PTPRR: variants seen among roughly 807,000 people sequenced by gnomAD.
PTPRR encodes receptor-type tyrosine-protein phosphatase R.
A neutral mutation model predicts 77.2 loss-of-function variants in PTPRR; 38 were observed. The ratio of observed to expected loss-of-function variants is 0.49; its 90% CI spans 0.38 to 0.65. The LOEUF is 0.65. Ranked by LOEUF, PTPRR falls within the 30% of genes least tolerant of loss-of-function variation. The pLI, the probability that PTPRR is intolerant of heterozygous loss-of-function variation, is 0.00. For synonymous variants in PTPRR, 299 were observed against 283.1 expected, an observed-to-expected ratio of 1.06 and a Z score of -0.57; for missense variants, 744 against 799.2, an observed-to-expected ratio of 0.93 and a Z score of 0.83.
At chr12:70,675,020 T>C (rs1887391816) in intron 10 of PTPRR, among the ~76,000 whole-genome samples, 1 of 152,104 alleles carries the variant, frequency 6.6e-6, no homozygotes, top group Non-Finnish European at 1.5e-5. Flanking sequence ...ATAATGATTG[T>C]TTTGATTTGA....
chr12:70,767,792 G>C (rs991895585), intron 2 of PTPRR, among the ~76,000 whole-genome samples: 2 of 152,120 alleles, frequency 1.3e-5, no homozygotes, highest in Non-Finnish European at 2.9e-5. Context: ...AAATGTAAAA[G>C]AACAGAAATT....
intron 13 of PTPRR, among the ~76,000 whole-genome samples, chr12:70,642,930 C>G (rs766612402): frequency 6.6e-6 from 1 of 152,074 alleles, no homozygotes; most frequent in African/African-American, 2.4e-5. Context: ...ATGGATCACT[C>G]GAGCCCAAAG....
chr12:70,835,351 A>T (rs947642157), intron 2 of PTPRR, among the ~76,000 whole-genome samples: 1 of 152,084 alleles, frequency 6.6e-6, no homozygotes, highest in African/African-American at 2.4e-5. Context: ...TTATAGTATA[A>T]TATTATTATT....
chr12:70,725,159 T>C (rs192191424), intron 6 of PTPRR, among the ~76,000 whole-genome samples: 47 of 152,236 alleles, frequency 3.1e-4, no homozygotes, highest in African/African-American at 1.1e-3. Flanking sequence ...GGAGACATGA[T>C]TTATTTGCCA....
chr12:70,862,698 A>G (rs1446836289), intron 2 of PTPRR, among the ~76,000 whole-genome samples: 5 of 151,872 alleles, frequency 3.3e-5, no homozygotes, highest in Non-Finnish European at 7.4e-5. Context: ...TATGTAACTA[A>G]CCTGCACATT....
At chr12:70,824,214 C>CT (rs1278346898) in intron 2 of PTPRR, among the ~76,000 whole-genome samples, 3 of 152,112 alleles carry the variant, frequency 2.0e-5, no homozygotes, top group Admixed American at 2.0e-4. Context: ...AATTATAAAC[C>CT]TTTTAATAGA....
intron 6 of PTPRR, among the ~76,000 whole-genome samples, chr12:70,728,358 A>T (rs868718845): frequency 0.022 from 3,177 of 143,986 alleles, 132 homozygotes; most frequent in African/African-American, 0.076. Flanking sequence ...AATCTGAAAA[A>T]AAAACAAAAA....
chr12:70,830,132 G>A (rs1455990955), intron 2 of PTPRR, among the ~76,000 whole-genome samples: 4 of 152,094 alleles, frequency 2.6e-5, no homozygotes, highest in South Asian at 2.1e-4. Context: ...GTGCTCCTGC[G>A]GCAGTATTAG....
At chr12:70,674,987 C>G (rs1157176935) in intron 10 of PTPRR, among the ~76,000 whole-genome samples, 4 of 151,992 alleles carry the variant, frequency 2.6e-5, no homozygotes, top group African/African-American at 9.7e-5. Flanking sequence ...GATTGACATT[C>G]CTTATCTCTA....
chr12:70,657,089 G>A (rs540499177), intron 12 of PTPRR, among the ~76,000 whole-genome samples: 1 of 152,194 alleles, frequency 6.6e-6, no homozygotes, highest in South Asian at 2.1e-4. Flanking sequence ...AATAATTAAG[G>A]TCTGCACTTA....
chr12:70,702,678 T>C (rs901441902), intron 6 of PTPRR, among the ~76,000 whole-genome samples: 3 of 152,228 alleles, frequency 2.0e-5, no homozygotes, highest in African/African-American at 7.2e-5. Flanking sequence ...ATTCTATAAT[T>C]TGATATGTAA....
chr12:70,709,879 A>G (rs1036437918), intron 6 of PTPRR, among the ~76,000 whole-genome samples: 2 of 152,176 alleles, frequency 1.3e-5, no homozygotes, highest in Non-Finnish European at 2.9e-5. Context: ...GTTCATGTAT[A>G]GGAAGAATTA....
chr12:70,885,225 G>A (rs918470734), intron 2 of PTPRR, among the ~76,000 whole-genome samples: 4 of 152,062 alleles, frequency 2.6e-5, no homozygotes, highest in African/African-American at 7.2e-5. Context: ...TACTATATTA[G>A]ATATTGTCAT....
intron 10 of PTPRR, among the ~76,000 whole-genome samples, chr12:70,671,004 T>C (rs1009333664): frequency 5.9e-5 from 9 of 152,368 alleles, no homozygotes; most frequent in Admixed American, 5.2e-4. Flanking sequence ...TATTCATTTA[T>C]TTATTTGCTA....
At chr12:70,765,102 T>C (rs550569712) in intron 2 of PTPRR, among the ~76,000 whole-genome samples, 1 of 152,328 alleles carries the variant, frequency 6.6e-6, no homozygotes, top group East Asian at 1.9e-4. Context: ...GGGTGATTTC[T>C]GCATTTCCAT....
chr12:70,847,896 G>A (rs1351226501), intron 2 of PTPRR, among the ~76,000 whole-genome samples: 2 of 152,130 alleles, frequency 1.3e-5, no homozygotes, highest in African/African-American at 4.8e-5. Flanking sequence ...CATATAATTT[G>A]TGTTACTTTT....
chr12:70,661,458 A>G (rs1417715739), intron 11 of PTPRR, among the ~76,000 whole-genome samples: 1 of 152,190 alleles, frequency 6.6e-6, no homozygotes, highest in African/African-American at 2.4e-5. Flanking sequence ...TTCCTGCTCT[A>G]TGAGCATTCC....
chr12:70,745,903 G>A lies in PTPRR; in HGVS notation c.922C>T (p.Arg308Ter). ...VLNVVVDPQG[R>*]GAPEIKATTA... The stretch of plus-strand genomic sequence containing the variant: ...GTAGCTTTGATCTCAGGAGCACCTC[G>A]GCCTTGAGGGTCCACGACAACATTC... The change falls in exon 6 of 14, where the codon CGA becomes TGA. Residue 308 changes from arginine (R) to a stop codon, truncating the protein, a stop_gained. Transcript: ENST00000283228. LOFTEE classifies it high-confidence loss of function. 3 of 1,614,032 alleles carry A rather than the reference G, an allele frequency of 1.9e-6. No individual in the cohort carries two copies. Among genetic ancestry groups the A allele is most frequent in the Non-Finnish European group, 2.5e-6 (3 of 1,179,986 alleles).
At chr12:70,736,853 G>A (rs1451255236) in intron 6 of PTPRR, among the ~76,000 whole-genome samples, 5 of 152,184 alleles carry the variant, frequency 3.3e-5, no homozygotes, top group African/African-American at 9.6e-5. Context: ...GAAGGAGGCC[G>A]TGTGGTACGT....
Sources: allele counts gnomAD v4.1 joint callset (sites outside exome capture counted in the v4.1 genomes callset), GRCh38; gene constraint gnomAD v4.1.1; transcripts MANE v1.5; gene names NCBI Gene and HGNC (gene_info 2026-07-23, HGNC 2026-07-21).